The following ADD2 variants were observed in gnomAD, a reference collection of about 807,000 sequenced individuals.
ADD2 encodes adducin 2.
In ADD2, 23 loss-of-function variants were observed where a neutral mutation model predicts 83.0. That is an observed-to-expected ratio of 0.28 (90% confidence interval 0.20 to 0.39). The LOEUF is 0.39. Among genes scored for constraint, ADD2 ranks in the 10% least tolerant of loss-of-function variants. The pLI, the probability that ADD2 is intolerant of heterozygous loss-of-function variation, is 1.00. For missense variants in ADD2, 758 were observed against 944.9 expected, an observed-to-expected ratio of 0.80 and a Z score of 2.59; for synonymous variants, 375 against 375.4, an observed-to-expected ratio of 1.00 and a Z score of 0.01.
chr2:70,666,613 T>C (rs1295201864), intron 15 of ADD2, among the ~76,000 whole-genome samples: 1 of 152,252 alleles, frequency 6.6e-6, no homozygotes, highest in East Asian at 1.9e-4. Flanking sequence ...GGGCTCCCAC[T>C]TTCTGTCCAA....
At chr2:70,718,757 G>A (rs1408933100) in intron 1 of ADD2, among the ~76,000 whole-genome samples, 3 of 152,178 alleles carry the variant, frequency 2.0e-5, no homozygotes, top group Non-Finnish European at 4.4e-5. Context: ...CCACAGAGCT[G>A]GTGAAAGGCA....
chr2:70,735,084 A>AT (rs1673464561), intron 1 of ADD2, among the ~76,000 whole-genome samples: 1 of 152,070 alleles, frequency 6.6e-6, no homozygotes. Flanking sequence ...TATTAGTTCG[A>AT]TTTTCACTTT....
Position 70,673,145 on chromosome 2 carries a change from A to G in ADD2, c.1742-139T>C, listed in dbSNP as rs1234562797. ...GATAATGAGACTTCTAGCTGAAGTT[A>G]GCTCCTCCCCCTGACCTTCTTAGAT... On this transcript the variant is annotated intron_variant, in intron 14 of 15. Coordinates refer to ENST00000264436, the MANE Select transcript of ADD2 (RefSeq NM_001617.4). 1.0e-5 allele frequency: 16 copies of G among 1,542,660 alleles called. No homozygotes were observed. In the Middle Eastern group the frequency reaches 5.1e-4, roughly 49 times the overall value.
intron 13 of ADD2, chr2:70,675,856 G>GT (rs1558523214): frequency 5.1e-6 from 5 of 985,252 alleles, no homozygotes; most frequent in African/African-American, 1.7e-5. Flanking sequence ...ATTTTTGTTT[G>GT]TTTTTTTAAC....
At position 70,661,368 on chromosome 2, in the gene ADD2, G is replaced by C. The variant is rs1675531008; in HGVS notation, c.*2057C>G. ...TAAGTGTGAAATCTACTTTTTAAAA[G>C]AAGGCATCAAGGGATTGGCTTTTAA... On this transcript the variant is annotated 3_prime_UTR_variant, in exon 16 of 16. Coordinates refer to ENST00000264436, the MANE Select transcript of ADD2 (RefSeq NM_001617.4). The C allele has an allele frequency of 2.0e-5, 3 of 152,188 alleles. No homozygotes were observed. The highest frequency in any genetic ancestry group is 7.2e-5 in the African/African-American group (3 of 41,426). 9.4% of individuals were successfully genotyped at this position (152,188 alleles called of 1,614,324 possible). A position where few individuals can be genotyped will look rare whatever the true frequency, so the allele number is the denominator to read the frequency against.
chr2:70,680,712 T>C (rs1336763010), intron 10 of ADD2, among the ~76,000 whole-genome samples: 1 of 152,260 alleles, frequency 6.6e-6, no homozygotes, highest in East Asian at 1.9e-4. Flanking sequence ...ACACGGATTA[T>C]GCTTTTTAGT....
intron 3 of ADD2, 101 bp from the exon 4 acceptor site, chr2:70,704,560 G>C: frequency 6.8e-7 from 1 of 1,463,268 alleles, no homozygotes; most frequent in Non-Finnish European, 9.3e-7. Flanking sequence ...GGGTCAGCTA[G>C]GTCAGGGCCA....
intron 8 of ADD2, among the ~76,000 whole-genome samples, chr2:70,688,352 C>T (rs746897971): frequency 1.6e-4 from 25 of 152,220 alleles, no homozygotes; most frequent in Non-Finnish European, 2.9e-4. Context: ...GACTAAATAG[C>T]TTGATCAATT....
intron 1 of ADD2, chr2:70,760,681 G>C (rs1451125663): frequency 1.3e-5 from 2 of 152,156 alleles, no homozygotes; most frequent in Non-Finnish European, 2.9e-5. Flanking sequence ...TCTGGGAGCT[G>C]GCTGTGTCCT....
intron 15 of ADD2, among the ~76,000 whole-genome samples, chr2:70,664,433 C>A (rs545495299): frequency 9.3e-4 from 142 of 152,352 alleles, no homozygotes; most frequent in South Asian, 2.7e-3. Context: ...ACCAAACCCT[C>A]CTGCCACCCT....
intron 4 of ADD2, 89 bp from the exon 5 acceptor site, chr2:70,696,485 A>G (rs1234490891): frequency 1.3e-6 from 2 of 1,542,004 alleles, no homozygotes; most frequent in African/African-American, 1.4e-5. Context: ...CACTGGCACT[A>G]AAACTGCACA....
chr2:70,691,358 G>T (rs1553371629), intron 7 of ADD2, among the ~76,000 whole-genome samples: 1 of 152,078 alleles, frequency 6.6e-6, no homozygotes, highest in African/African-American at 2.4e-5. Flanking sequence ...CCTCAGCTTT[G>T]GTTTCAGTGC....
rs1670134025 is a variant in ADD2 at position 70,676,304 on chromosome 2, C to T, written c.1593+492G>A. 3.0e-6 allele frequency: 3 copies of T among 1,005,256 alleles called. No homozygotes were observed. Among genetic ancestry groups the T allele is most frequent in the South Asian group, 4.6e-5 (1 of 21,576 alleles). The allele number at this position is 1,005,256 out of a possible 1,614,324, so 62.3% of individuals were successfully genotyped here. A position where few individuals can be genotyped will look rare whatever the true frequency, so the allele number is the denominator to read the frequency against. On this transcript the variant is annotated intron_variant, in intron 13 of 15. Transcript: ENST00000264436. The surrounding 1 kb of genome is among the most constrained non-coding windows in gnomAD (Gnocchi z 4.8). The stretch of plus-strand genomic sequence containing the variant: ...TGGGTTTGTGTGGGTAATATTGTCC[C>T]TTCCCATCCTGTAGGAGCATGGGTC...
Position 70,692,571 on chromosome 2 carries a change from G to C in ADD2, c.556-19C>G. 1.3e-6 allele frequency: 2 copies of C among 1,577,614 alleles called. No homozygotes were observed. The highest frequency in any genetic ancestry group is 1.2e-5 in the South Asian group (1 of 86,036). On this transcript the variant is annotated intron_variant, in intron 6 of 15. Coordinates refer to ENST00000264436, the MANE Select transcript of ADD2 (RefSeq NM_001617.4). ...CCTTGATCTGCGCCAGGGAAGAAGA[G>C]AGACTTATGGCAACAGGGTGGCCGA...
intron 7 of ADD2, among the ~76,000 whole-genome samples, chr2:70,692,122 G>A (rs1553371762): frequency 1.3e-5 from 2 of 152,204 alleles, no homozygotes; most frequent in South Asian, 2.1e-4. Context: ...CAGGCCCCAC[G>A]CCTTGGTCCA....
chr2:70,679,833 C>T (rs1026112606), intron 10 of ADD2, among the ~76,000 whole-genome samples: 20 of 152,016 alleles, frequency 1.3e-4, no homozygotes, highest in Admixed American at 1.0e-3. Flanking sequence ...TGGATATTTC[C>T]AATTACATAT....
chr2:70,741,043 G>GT (rs1341258298), intron 1 of ADD2, among the ~76,000 whole-genome samples: 2 of 152,200 alleles, frequency 1.3e-5, no homozygotes, highest in Non-Finnish European at 2.9e-5. Flanking sequence ...AATGTGAAAA[G>GT]TGAGTTCCTG....
chr2:70,701,069 T>C (rs2104364544), intron 4 of ADD2, among the ~76,000 whole-genome samples: 1 of 152,170 alleles, frequency 6.6e-6, no homozygotes, highest in African/African-American at 2.4e-5. Context: ...GAAATTACAG[T>C]CATGGTATCA....
chr2:70,698,449 T>C (rs186450668), intron 4 of ADD2, among the ~76,000 whole-genome samples: 2 of 152,274 alleles, frequency 1.3e-5, no homozygotes, highest in East Asian at 3.9e-4. Context: ...TGAAGACAGG[T>C]TGATTAATGA....
Sources: gnomAD v4.1 joint callset for allele counts (sites outside exome capture counted in the v4.1 genomes callset) on GRCh38, gnomAD v4.1.1 for gene constraint, Gnocchi (gnomAD v3.1) non-coding constraint, MANE v1.5 for transcripts, NCBI Gene and HGNC (gene_info 2026-07-23, HGNC 2026-07-21) for gene names.